CDH12: variants seen among roughly 807,000 people sequenced by gnomAD.
CDH12 encodes cadherin 12.
A neutral mutation model predicts 74.1 loss-of-function variants in CDH12; 41 were observed. The ratio of observed to expected loss-of-function variants is 0.55; its 90% CI spans 0.43 to 0.72. The LOEUF is 0.72. Among genes scored for constraint, CDH12 ranks in the 30% least tolerant of loss-of-function variants. The probability of loss-of-function intolerance (pLI) is 0.00; values close to 1 mark genes in which losing one functional copy is unlikely to be tolerated. For missense variants in CDH12, 945 were observed against 977.2 expected, an observed-to-expected ratio of 0.97 and a Z score of 0.44; for synonymous variants, 399 against 355.0, an observed-to-expected ratio of 1.12 and a Z score of -1.39.
At chr5:22,103,513 C>T (rs527320482) in intron 4 of CDH12, among the ~76,000 whole-genome samples, 57 of 152,282 alleles carry the variant, frequency 3.7e-4, no homozygotes, top group South Asian at 1.7e-3. Flanking sequence ...AGGTGCTGAG[C>T]TCCTTTAATT....
In CDH12 at chr5:22,496,460, A is replaced by G. The variant is rs1421354591; in HGVS notation, c.-428+8810T>C. On this transcript the variant is annotated intron_variant, in intron 2 of 14. Coordinates refer to ENST00000382254, the MANE Select transcript of CDH12 (RefSeq NM_004061.5). ...TGGTCATTTGAAATGTGTATGACAA[A>G]TTGTTTTTGTGAATTTGGAACTAGG... 3.9e-5 allele frequency among the ~76,000 whole-genome samples: 6 copies of G among 152,208 alleles called. No individual in the cohort carries two copies. The East Asian group carries it at 1.2e-3, about 29-fold the overall frequency.
intron 4 of CDH12, among the ~76,000 whole-genome samples, chr5:22,192,865 T>C (rs1197377471): frequency 3.3e-5 from 5 of 152,142 alleles, no homozygotes; most frequent in Non-Finnish European, 5.9e-5. Context: ...GGCCAGAATA[T>C]TGAAGAGGAG....
At chr5:22,236,067 T>A (rs950213569) in intron 3 of CDH12, among the ~76,000 whole-genome samples, 3 of 152,108 alleles carry the variant, frequency 2.0e-5, no homozygotes, top group African/African-American at 7.2e-5. Flanking sequence ...AGATTAAAAA[T>A]GGCATACCTG....
chr5:22,387,232 T>A (rs745704244), intron 3 of CDH12, among the ~76,000 whole-genome samples: 3 of 151,998 alleles, frequency 2.0e-5, no homozygotes, highest in East Asian at 1.9e-4. Context: ...GTTACATTTT[T>A]AAAAATTGTA....
intron 5 of CDH12, among the ~76,000 whole-genome samples, chr5:22,041,764 G>T (rs989387442): frequency 1.3e-5 from 2 of 152,068 alleles, no homozygotes; most frequent in Non-Finnish European, 2.9e-5. Flanking sequence ...AGACAGAGAA[G>T]TAATGAGGAA....
chr5:22,119,541 T>C (rs899071912), intron 4 of CDH12, among the ~76,000 whole-genome samples: 2 of 151,980 alleles, frequency 1.3e-5, no homozygotes, highest in African/African-American at 4.8e-5. Flanking sequence ...CTGCCCACCT[T>C]GGCCTTCCAA....
chr5:22,543,862 T>C (rs1738203671), intron 1 of CDH12, among the ~76,000 whole-genome samples: 1 of 152,188 alleles, frequency 6.6e-6, no homozygotes, highest in Non-Finnish European at 1.5e-5. Flanking sequence ...TACATGTCCA[T>C]TTTTTAGAAA....
chr5:22,277,382 C>T (rs10037361), intron 3 of CDH12, among the ~76,000 whole-genome samples: 1,729 of 152,204 alleles, frequency 0.011, 36 homozygotes, highest in African/African-American at 0.04. Context: ...CCCTGAGGAC[C>T]CTGGCTTGTT....
At chr5:22,620,473 T>C (rs981463305) in intron 1 of CDH12, among the ~76,000 whole-genome samples, 3 of 152,004 alleles carry the variant, frequency 2.0e-5, no homozygotes, top group African/African-American at 7.2e-5. Flanking sequence ...TGGAAAAGAA[T>C]TATAATATAT....
intron 2 of CDH12, among the ~76,000 whole-genome samples, chr5:22,414,951 A>T (rs1743318899): frequency 6.6e-6 from 1 of 152,108 alleles, no homozygotes; most frequent in South Asian, 2.1e-4. Flanking sequence ...TTTAGTAACA[A>T]ATATATCCCT....
At chr5:22,463,235 G>A (rs937001712) in intron 2 of CDH12, among the ~76,000 whole-genome samples, 5 of 150,162 alleles carry the variant, frequency 3.3e-5, no homozygotes, top group Non-Finnish European at 7.4e-5. Context: ...ATTTGTGTGT[G>A]TGTAAAATGC....
intron 5 of CDH12, among the ~76,000 whole-genome samples, chr5:21,979,324 G>A (rs1326632485): frequency 6.6e-6 from 1 of 152,090 alleles, no homozygotes; most frequent in Non-Finnish European, 1.5e-5. Flanking sequence ...ATAAATGATG[G>A]CTGTAGAAAT....
intron 3 of CDH12, among the ~76,000 whole-genome samples, chr5:22,223,819 T>C (rs900757203): frequency 4.6e-4 from 70 of 152,052 alleles, no homozygotes; most frequent in African/African-American, 1.6e-3. Context: ...ATAAACAACA[T>C]GGTGCCCAAC....
chr5:22,386,049 T>C (rs1198266951), intron 3 of CDH12, among the ~76,000 whole-genome samples: 2 of 152,010 alleles, frequency 1.3e-5, no homozygotes, highest in Non-Finnish European at 2.9e-5. Context: ...TGTGGCACCA[T>C]GCTTGGCTAA....
intron 1 of CDH12, among the ~76,000 whole-genome samples, chr5:22,684,582 T>C (rs1417371260): frequency 6.6e-6 from 1 of 152,222 alleles, no homozygotes; most frequent in Non-Finnish European, 1.5e-5. Context: ...AGATGGGCTG[T>C]CACGTATTCT....
intron 1 of CDH12, among the ~76,000 whole-genome samples, chr5:22,710,619 T>C (rs145684052): frequency 1.3e-3 from 204 of 152,256 alleles, no homozygotes; most frequent in African/African-American, 4.2e-3. Flanking sequence ...TCAGATGCAA[T>C]TGAATATTAG....
At chr5:22,518,003 C>T (rs1047601472) in intron 1 of CDH12, among the ~76,000 whole-genome samples, 6 of 152,164 alleles carry the variant, frequency 3.9e-5, no homozygotes, top group Non-Finnish European at 7.3e-5. Flanking sequence ...TTTCCTGGTT[C>T]TTCCTTACAG....
intron 3 of CDH12, among the ~76,000 whole-genome samples, chr5:22,292,483 G>T (rs547098454): frequency 6.6e-6 from 1 of 151,784 alleles, no homozygotes; most frequent in Non-Finnish European, 1.5e-5. Context: ...CAAAGTATCT[G>T]CAAATTACAC....
At chr5:22,151,069 A>G (rs1052707320) in intron 4 of CDH12, among the ~76,000 whole-genome samples, 1 of 152,332 alleles carries the variant, frequency 6.6e-6, no homozygotes, top group African/African-American at 2.4e-5. Flanking sequence ...CTTTTTGTAC[A>G]TCAGTGCCTT....
Sources: gnomAD v4.1 joint callset for allele counts (sites outside exome capture counted in the v4.1 genomes callset) on GRCh38, gnomAD v4.1.1 for gene constraint, MANE v1.5 for transcripts, NCBI Gene and HGNC (gene_info 2026-07-23, HGNC 2026-07-21) for gene names.